The following HTR4 variants were observed in gnomAD, a reference collection of about 807,000 sequenced individuals.
The protein encoded by HTR4 is 5-hydroxytryptamine (serotonin) receptor 4, G protein-coupled.
Under a neutral mutation model 36.8 loss-of-function variants are expected in HTR4, and 16 were observed. That is an observed-to-expected ratio of 0.43 (90% CI 0.29 to 0.66). The LOEUF (loss-of-function observed/expected upper bound fraction) is 0.66, where lower values mean the gene tolerates loss of function less well. Among genes scored for constraint, HTR4 ranks in the 30% least tolerant of loss-of-function variants. The pLI is 0.13. For missense variants in HTR4, 438 were observed against 490.9 expected, an observed-to-expected ratio of 0.89 and a Z score of 1.02; for synonymous variants, 189 against 185.1, an observed-to-expected ratio of 1.02 and a Z score of -0.17.
At chr5:148,554,508 A>G (rs975111020) in intron 2 of HTR4, among the ~76,000 whole-genome samples, 2 of 152,250 alleles carry the variant, frequency 1.3e-5, no homozygotes, top group Non-Finnish European at 2.9e-5. Context: ...CTAGACTCAG[A>G]AAATTCATAG....
intron 5 of HTR4, among the ~76,000 whole-genome samples, chr5:148,466,680 T>A (rs1023213972): frequency 6.6e-6 from 1 of 152,230 alleles, no homozygotes; most frequent in Non-Finnish European, 1.5e-5. Context: ...GTACCCTCTG[T>A]CAGAGTGTTA....
At chr5:148,508,599 T>C (rs917755659) in intron 6 of HTR4, among the ~76,000 whole-genome samples, 6 of 152,212 alleles carry the variant, frequency 3.9e-5, no homozygotes, top group African/African-American at 1.2e-4. Context: ...TAGGAAATAC[T>C]GTTCTGTGTT....
chr5:148,647,762 T>C (rs143268983), intron 1 of HTR4, among the ~76,000 whole-genome samples: 11 of 152,270 alleles, frequency 7.2e-5, no homozygotes, highest in Admixed American at 4.6e-4. Flanking sequence ...AGCAGAAGAA[T>C]CGCTTGAACC....
At chr5:148,624,278 C>T (rs1490699657) in intron 2 of HTR4, among the ~76,000 whole-genome samples, 1 of 152,038 alleles carries the variant, frequency 6.6e-6, no homozygotes, top group Non-Finnish European at 1.5e-5. Flanking sequence ...ATAAGACCTC[C>T]TAGGTTTGGC....
At chr5:148,552,708 ATTGTTT>A (rs1183410234) in intron 2 of HTR4, among the ~76,000 whole-genome samples, 1 of 152,152 alleles carries the variant, frequency 6.6e-6, no homozygotes, top group Non-Finnish European at 1.5e-5. Flanking sequence ...GACTTCTGTT[ATTGTTT>A]TCTGTGCCCC....
chr5:148,510,728 G>A (rs1235420196), intron 5 of HTR4, among the ~76,000 whole-genome samples: 1 of 152,228 alleles, frequency 6.6e-6, no homozygotes, highest in Non-Finnish European at 1.5e-5. Flanking sequence ...ATGCCATGGG[G>A]CACTTTTCTA....
chr5:148,621,000 C>T (rs1431918156), intron 2 of HTR4, among the ~76,000 whole-genome samples: 2 of 152,202 alleles, frequency 1.3e-5, no homozygotes, highest in Non-Finnish European at 2.9e-5. Context: ...CCATTCATCA[C>T]ATATGTACAC....
rs548475232 is a variant in HTR4, at chr5:148,452,199, T to G, written c.1077-927A>C. Among the ~76,000 whole-genome samples the G allele has an allele frequency of 1.1e-3, 168 of 152,348 alleles. 1 individual carries two copies. Among genetic ancestry groups the G allele is most frequent in the African/African-American group, 3.8e-3 (158 of 41,578 alleles). The stretch of plus-strand genomic sequence containing the variant: ...AAGCCCTCTCCATAAATTACTTTAT[T>G]TAATCCCCATAATTGCCTATTAGAT... On this transcript the variant is annotated intron_variant, in intron 5 of 5. Transcript: ENST00000521530.
Position 148,482,152 on chromosome 5 carries a change from G to A in HTR4, c.*1051C>T. 5.1e-6 allele frequency: 5 copies of A among 985,776 alleles called. No homozygotes were observed. The highest frequency in any genetic ancestry group is 6.0e-6 in the Non-Finnish European group (5 of 830,256). The allele number at this position is 985,776 out of a possible 1,614,324, so 61.1% of individuals were successfully genotyped here. ...CTGGCTTCAAGTACAGCATTGCCTC[G>A]GCATCCCCAGTGCTGCTGGATCCTG... On this transcript the variant is annotated 3_prime_UTR_variant, in exon 7 of 7. Transcript: ENST00000377888.
chr5:148,597,486 T>A (rs923034810), intron 2 of HTR4, among the ~76,000 whole-genome samples: 10 of 152,174 alleles, frequency 6.6e-5, no homozygotes, highest in African/African-American at 2.4e-4. Context: ...AAGTCCCTAA[T>A]GCCTGTCTCA....
chr5:148,564,983 A>C (rs535685932), intron 2 of HTR4, among the ~76,000 whole-genome samples: 1 of 151,898 alleles, frequency 6.6e-6, no homozygotes, highest in African/African-American at 2.4e-5. Flanking sequence ...GGTGGCAGGC[A>C]CCTATAATAC....
chr5:148,595,813 G>A (rs959797804), intron 2 of HTR4, among the ~76,000 whole-genome samples: 3 of 152,086 alleles, frequency 2.0e-5, no homozygotes, highest in African/African-American at 7.2e-5. Context: ...TAAAAATGAT[G>A]CAACCCATTT....
intron 2 of HTR4, among the ~76,000 whole-genome samples, chr5:148,592,499 G>C (rs1761614416): frequency 6.6e-6 from 1 of 152,016 alleles, no homozygotes; most frequent in Non-Finnish European, 1.5e-5. Flanking sequence ...CTGTACTGTT[G>C]CTGAAAATTT....
intron 2 of HTR4, among the ~76,000 whole-genome samples, chr5:148,602,167 G>T (rs1762020568): frequency 6.6e-6 from 1 of 152,236 alleles, no homozygotes; most frequent in East Asian, 1.9e-4. Context: ...AATAAATCGG[G>T]TTGGGGAAAA....
chr5:148,651,841 T>A (rs1561669081), intron 1 of HTR4, among the ~76,000 whole-genome samples: 1 of 152,100 alleles, frequency 6.6e-6, no homozygotes, highest in Non-Finnish European at 1.5e-5. Context: ...AAGGTAATCA[T>A]AAGAAATTAG....
At chr5:148,471,828 G>C (rs954698366), downstream of HTR4, among the ~76,000 whole-genome samples, 2 of 152,194 alleles carry the variant, frequency 1.3e-5, no homozygotes, top group Non-Finnish European at 2.9e-5. Context: ...TTAGGGAAAA[G>C]ATCATGGATT....
intron 6 of HTR4, among the ~76,000 whole-genome samples, chr5:148,487,984 T>TA (rs1412346650): frequency 6.6e-6 from 1 of 152,172 alleles, no homozygotes; most frequent in Non-Finnish European, 1.5e-5. Context: ...GCAAAAAATG[T>TA]AAAGAGATGC....
chr5:148,579,394 A>G (rs1294674467), intron 2 of HTR4, among the ~76,000 whole-genome samples: 4 of 152,052 alleles, frequency 2.6e-5, no homozygotes, highest in African/African-American at 9.7e-5. Context: ...CCCTACGTTA[A>G]GAGAGATTAA....
At chr5:148,554,232 T>C (rs998775435) in intron 2 of HTR4, among the ~76,000 whole-genome samples, 1 of 152,120 alleles carries the variant, frequency 6.6e-6, no homozygotes, top group South Asian at 2.1e-4. Context: ...TATGCCACCA[T>C]GCCTGGCTAA....
Sources: gnomAD v4.1 joint callset for allele counts (sites outside exome capture counted in the v4.1 genomes callset) on GRCh38, gnomAD v4.1.1 for gene constraint, MANE v1.5 for transcripts, NCBI Gene and HGNC (gene_info 2026-07-23, HGNC 2026-07-21) for gene names.